Variants in CNTN4 observed in about 807,000 individuals in gnomAD.
CNTN4 encodes the protein contactin 4, also known as contactin-4.
In CNTN4, 77 loss-of-function variants were observed where a neutral mutation model predicts 122.5. That is an observed-to-expected ratio of 0.63 (90% CI 0.52 to 0.76). The LOEUF (loss-of-function observed/expected upper bound fraction) is 0.76. Among genes scored for constraint, CNTN4 ranks in the 30% least tolerant of loss-of-function variants. The pLI is 0.00. For synonymous variants in CNTN4, 512 were observed against 447.0 expected (o/e 1.15, Z -1.83); for missense variants, 1,256 against 1,259.1 (o/e 1.00, Z 0.04).
chr3:2,390,213 A>AGTGTGTGTGTGT (rs1553639069), intron 3 of CNTN4, among the ~76,000 whole-genome samples: 1 of 113,550 alleles, frequency 8.8e-6, no homozygotes, highest in African/African-American at 3.7e-5. Context: ...TTAGGAAAAA[A>AGTGTGTGTGTGT]GAGTGTGTGT....
chr3:2,812,069 A>G (rs2092625643), intron 6 of CNTN4, among the ~76,000 whole-genome samples: 1 of 152,192 alleles, frequency 6.6e-6, no homozygotes, highest in South Asian at 2.1e-4. Context: ...AGTCGGAGCT[A>G]AGATGAGAAC....
At chr3:2,345,964 C>A (rs2044382329) in intron 3 of CNTN4, among the ~76,000 whole-genome samples, 1 of 152,106 alleles carries the variant, frequency 6.6e-6, no homozygotes, top group Non-Finnish European at 1.5e-5. Flanking sequence ...TTGTTTTCAA[C>A]CTTTATGTTT....
intron 3 of CNTN4, among the ~76,000 whole-genome samples, chr3:2,346,668 C>T (rs760982439): frequency 6.6e-6 from 1 of 151,976 alleles, no homozygotes; most frequent in Admixed American, 6.5e-5. Flanking sequence ...GTTTTCTATC[C>T]TTTATTACTA....
chr3:2,163,980 G>C (rs756742379), intron 2 of CNTN4, among the ~76,000 whole-genome samples: 2 of 152,242 alleles, frequency 1.3e-5, no homozygotes, highest in Middle Eastern at 3.4e-3. Flanking sequence ...CTGTGAGGCT[G>C]CAAAGGTATA....
chr3:2,898,360 C>T (rs1489060885), intron 10 of CNTN4, among the ~76,000 whole-genome samples: 1 of 152,186 alleles, frequency 6.6e-6, no homozygotes, highest in African/African-American at 2.4e-5. Context: ...CCCACAGACA[C>T]TGAATTTTTT....
intron 6 of CNTN4, among the ~76,000 whole-genome samples, chr3:2,785,617 A>G (rs1395546304): frequency 1.3e-5 from 2 of 152,176 alleles, no homozygotes; most frequent in Non-Finnish European, 2.9e-5. Context: ...TGAAAATACA[A>G]CTGGTTTTGT....
intron 13 of CNTN4, among the ~76,000 whole-genome samples, chr3:2,938,308 C>T (rs2094583535): frequency 6.6e-6 from 1 of 151,832 alleles, no homozygotes; most frequent in Non-Finnish European, 1.5e-5. Flanking sequence ...CCCCATCTGT[C>T]AATAATAATA....
chr3:2,842,848 T>C (rs937529523), intron 7 of CNTN4, among the ~76,000 whole-genome samples: 1 of 152,138 alleles, frequency 6.6e-6, no homozygotes, highest in African/African-American at 2.4e-5. Context: ...TCTTTTTTTT[T>C]CCATTTTTTT....
In CNTN4 at chr3:2,745,548, A is replaced by T; in HGVS notation, c.209A>T (p.Asp70Val). 1.2e-6 allele frequency: 2 copies of T among 1,614,120 alleles called. No individual in the cohort carries two copies. Among genetic ancestry groups the T allele is most frequent in the South Asian group, 1.1e-5 (1 of 91,084 alleles). The change falls in exon 6 of 25, where the codon GAC becomes GTC. Residue 70 changes from aspartate to valine, a missense_variant. Physicochemically the swap from Asp to Val is radical, Grantham distance 152 (BLOSUM62 -3). Transcript: ENST00000418658. ...IRWKLNGTDVDTGMDFRYSVV... is the reference protein window; with the variant it reads ...IRWKLNGTDVVTGMDFRYSVV... ...TGGAAGTTAAATGGAACAGATGTTGACACTGGTATGGATTTCCGCTACAGT... is the reference window on the plus strand; with the variant it reads ...TGGAAGTTAAATGGAACAGATGTTGTCACTGGTATGGATTTCCGCTACAGT...
intron 2 of CNTN4, among the ~76,000 whole-genome samples, chr3:2,186,152 T>C (rs570848687): frequency 3.4e-5 from 5 of 145,088 alleles, no homozygotes; most frequent in African/African-American, 1.3e-4. Context: ...CATTGTTCAA[T>C]TCCCACCTAT....
At chr3:2,894,474 C>G (rs1016047219) in intron 10 of CNTN4, among the ~76,000 whole-genome samples, 29 of 152,180 alleles carry the variant, frequency 1.9e-4, no homozygotes, top group African/African-American at 6.8e-4. Context: ...GTTAATGTCT[C>G]TGGGCCTTAC....
chr3:2,333,944 T>G (rs959891562), intron 2 of CNTN4, among the ~76,000 whole-genome samples: 1 of 152,152 alleles, frequency 6.6e-6, no homozygotes. Context: ...AACCTGCTGA[T>G]TCTGTGATGG....
intron 4 of CNTN4, among the ~76,000 whole-genome samples, chr3:2,721,686 C>A (rs1319796784): frequency 6.6e-6 from 1 of 151,964 alleles, no homozygotes; most frequent in Non-Finnish European, 1.5e-5. Context: ...CTGTTTTTGC[C>A]TGTAGTGCTT....
At chr3:2,171,238 C>G (rs1415493040) in intron 2 of CNTN4, among the ~76,000 whole-genome samples, 10 of 152,038 alleles carry the variant, frequency 6.6e-5, no homozygotes, top group Non-Finnish European at 8.8e-5. Context: ...TTGCTCTTAC[C>G]AAAAATGTTA....
chr3:2,323,440 G>A lies in CNTN4; in HGVS notation c.-144-15738G>A, dbSNP rs541057342. ...CCCTTAAATTGTCATGCTGCTTCAA[G>A]TTTACTTAACTTTTGTACAGACTTT... On this transcript the variant is annotated intron_variant, in intron 2 of 24. Coordinates refer to ENST00000418658, the MANE Select transcript of CNTN4 (RefSeq NM_175607.3). Among the ~76,000 whole-genome samples the A allele has an allele frequency of 9.5e-4, 145 of 152,214 alleles. 1 individual carries two copies. Among genetic ancestry groups the A allele is most frequent in the Non-Finnish European group, 1.7e-3 (118 of 68,010 alleles).
At chr3:2,347,878 C>T (rs1434790529) in intron 3 of CNTN4, among the ~76,000 whole-genome samples, 1 of 151,328 alleles carries the variant, frequency 6.6e-6, no homozygotes, top group African/African-American at 2.4e-5. Flanking sequence ...TGTTTTCTTG[C>T]TTTATCATGG....
chr3:2,735,589 ATT>A (rs1177480541), intron 4 of CNTN4, among the ~76,000 whole-genome samples: 1 of 152,218 alleles, frequency 6.6e-6, no homozygotes, highest in East Asian at 1.9e-4. Context: ...GCTATGTGAC[ATT>A]TATGCAAGGT....
chr3:2,878,424 A>G (rs1194917693), intron 8 of CNTN4, among the ~76,000 whole-genome samples: 1 of 152,170 alleles, frequency 6.6e-6, no homozygotes, highest in African/African-American at 2.4e-5. Flanking sequence ...CCTCCCTTCA[A>G]CAAATCCTTA....
chr3:2,639,262 A>AT lies in CNTN4; in HGVS notation c.55+67708dup, dbSNP rs56970489. Among the ~76,000 whole-genome samples the AT allele has an allele frequency of 8.9e-3, 1,353 of 151,956 alleles. 26 individuals are homozygous for AT. Among genetic ancestry groups the AT allele is most frequent in the African/African-American group, 0.031 (1,304 of 41,418 alleles). On this transcript the variant is annotated intron_variant, in intron 4 of 24. Coordinates refer to ENST00000418658, the MANE Select transcript of CNTN4 (RefSeq NM_175607.3). ...TCTCCTCCTAATTCTATTCTATGAT[A>AT]TTTTCTTCTATTCCTATTTAATTCT...
Sources: allele counts gnomAD v4.1 joint callset (sites outside exome capture counted in the v4.1 genomes callset), GRCh38; gene constraint gnomAD v4.1.1; transcripts MANE v1.5; gene names NCBI Gene and HGNC (gene_info 2026-07-23, HGNC 2026-07-21).